The following FNBP1 variants were observed in gnomAD, a reference collection of about 807,000 sequenced individuals.
FNBP1 encodes the protein formin binding protein 1.
Under a neutral mutation model 90.6 loss-of-function variants are expected in FNBP1, and 26 were observed. The ratio of observed to expected loss-of-function variants is 0.29; its 90% CI spans 0.21 to 0.40. The LOEUF is 0.40. FNBP1 is among the 10% of genes least tolerant of loss of function. The pLI is 1.00. For missense variants in FNBP1, 635 were observed against 768.0 expected, an observed-to-expected ratio of 0.83 and a Z score of 2.05; for synonymous variants, 260 against 265.2, an observed-to-expected ratio of 0.98 and a Z score of 0.19.
chr9:129,889,553 G>A lies in FNBP1; in HGVS notation c.*986C>T, dbSNP rs564795566. On this transcript the variant is annotated 3_prime_UTR_variant, in exon 17 of 17. Transcript: ENST00000446176. ...CCACTGCACTCCAGTCTGAACAATAGAGCGAGACTCCCGTCTCAAAAAAAA... is the reference window on the plus strand; with the variant it reads ...CCACTGCACTCCAGTCTGAACAATAAAGCGAGACTCCCGTCTCAAAAAAAA... 3 of 196,564 alleles carry A rather than the reference G, an allele frequency of 1.5e-5. No homozygotes were observed. Among genetic ancestry groups the A allele is most frequent in the South Asian group, 2.0e-4 (1 of 5,124 alleles). 12.2% of individuals were successfully genotyped at this position (196,564 alleles called of 1,614,324 possible). A position where few individuals can be genotyped will look rare whatever the true frequency, so the allele number is the denominator to read the frequency against.
At chr9:129,927,149 T>G in intron 8 of FNBP1, 46 bp downstream of exon 8, 1 of 1,595,800 alleles carries the variant, frequency 6.3e-7, no homozygotes, top group Middle Eastern at 1.7e-4. Context: ...GGAGAAATAA[T>G]GGATCTGCAA....
intron 1 of FNBP1, among the ~76,000 whole-genome samples, chr9:130,000,153 T>A (rs148149200): frequency 3.1e-4 from 47 of 152,302 alleles, no homozygotes; most frequent in African/African-American, 1.1e-3. Context: ...GAATGGATCT[T>A]TTACCTGTAT....
chr9:129,899,904 G>A (rs528145294), intron 15 of FNBP1, 61 bp downstream of exon 15: 7 of 1,377,738 alleles, frequency 5.1e-6, no homozygotes, highest in Non-Finnish European at 6.8e-6. Context: ...AGTGAAAGAA[G>A]AGTAACTCAG....
chr9:130,002,557 T>C (rs554854721), intron 1 of FNBP1, among the ~76,000 whole-genome samples: 7 of 152,328 alleles, frequency 4.6e-5, no homozygotes, highest in African/African-American at 1.7e-4. Context: ...ACCTCTGCCA[T>C]GCAGGCTCCT....
chr9:129,907,671 C>T (rs2038395131), intron 12 of FNBP1, among the ~76,000 whole-genome samples: 1 of 151,790 alleles, frequency 6.6e-6, no homozygotes, highest in Non-Finnish European at 1.5e-5. Flanking sequence ...AATGCACCTT[C>T]CCCTCACAGA....
At chr9:129,902,669 G>T (rs1375410442) in intron 13 of FNBP1, among the ~76,000 whole-genome samples, 200 bp downstream of exon 13, 1 of 152,122 alleles carries the variant, frequency 6.6e-6, no homozygotes, top group South Asian at 2.1e-4. Flanking sequence ...TTACAGCCAC[G>T]ATTAAGATAG....
At chr9:129,958,639 C>G in intron 4 of FNBP1, 86 bp from the exon 5 acceptor site, 1 of 1,058,536 alleles carries the variant, frequency 9.4e-7, no homozygotes, top group Non-Finnish European at 1.4e-6. Context: ...ACTTAAACAA[C>G]ATCTAAATAT....
chr9:130,018,989 C>CCGA (rs1426398422), intron 1 of FNBP1, among the ~76,000 whole-genome samples: 1 of 152,042 alleles, frequency 6.6e-6, no homozygotes, highest in Non-Finnish European at 1.5e-5. Context: ...CTTTGGGAAG[C>CCGA]CGAGGCAAGT....
intron 13 of FNBP1, among the ~76,000 whole-genome samples, chr9:129,901,919 AGAAT>A (rs2037026823): frequency 6.6e-6 from 1 of 152,226 alleles, no homozygotes. Flanking sequence ...CTCAAAAAAA[AGAAT>A]GAAAAAAGCC....
In FNBP1 at chr9:129,910,365, C is replaced by T. The variant is rs544634029; in HGVS notation, c.1186-1366G>A. 6.0e-4 allele frequency among the ~76,000 whole-genome samples: 91 copies of T among 151,812 alleles called. No individual in the cohort carries two copies. In the South Asian group the frequency reaches 0.018, roughly 30 times the overall value. On this transcript the variant is annotated intron_variant, in intron 11 of 16. Transcript: ENST00000446176. ...GGCGTGGTGGCGAGCGCCTATAATC[C>T]CAGCTACTTGGGAGGCTGAGGCAGG...
intron 1 of FNBP1, among the ~76,000 whole-genome samples, chr9:130,012,055 G>C (rs2056679752): frequency 6.6e-6 from 1 of 152,160 alleles, no homozygotes; most frequent in African/African-American, 2.4e-5. Flanking sequence ...CAAAGACATA[G>C]ACAAATACAA....
intron 10 of FNBP1, among the ~76,000 whole-genome samples, chr9:129,918,048 G>A (rs528311609): frequency 5.9e-4 from 90 of 151,996 alleles, no homozygotes; most frequent in Middle Eastern, 3.2e-3. Flanking sequence ...CTCTCTACTC[G>A]GCTACTTTCT....
upstream of FNBP1, among the ~76,000 whole-genome samples, chr9:130,046,085 T>C (rs1288526541): frequency 6.6e-6 from 1 of 152,178 alleles, no homozygotes; most frequent in Non-Finnish European, 1.5e-5. Flanking sequence ...TTACAAAATA[T>C]ATATTTTGTC....
intron 1 of FNBP1, among the ~76,000 whole-genome samples, chr9:130,004,697 T>C (rs1186855658): frequency 6.6e-6 from 1 of 152,184 alleles, no homozygotes; most frequent in African/African-American, 2.4e-5. Context: ...AAAATATCCA[T>C]TTAAAATGTT....
intron 2 of FNBP1, among the ~76,000 whole-genome samples, chr9:129,980,316 C>T (rs1204030887): frequency 1.3e-5 from 2 of 149,454 alleles, no homozygotes; most frequent in South Asian, 2.1e-4. Context: ...GCCGAGATCG[C>T]ACCATTGCAC....
chr9:130,019,146 G>C (rs1270318526), intron 1 of FNBP1, among the ~76,000 whole-genome samples: 4 of 152,018 alleles, frequency 2.6e-5, no homozygotes, highest in African/African-American at 7.2e-5. Flanking sequence ...AGGATCGCTT[G>C]AGTCTGGGAG....
intron 2 of FNBP1, among the ~76,000 whole-genome samples, chr9:129,984,666 C>T (rs1045618188): frequency 2.6e-5 from 4 of 152,056 alleles, no homozygotes; most frequent in Admixed American, 1.3e-4. Context: ...CAAATCTCAA[C>T]TTGAATTGTA....
At chr9:129,935,121 ATTTT>A (rs11410932) in intron 6 of FNBP1, among the ~76,000 whole-genome samples, 2 of 127,072 alleles carry the variant, frequency 1.6e-5, no homozygotes, top group Non-Finnish European at 1.6e-5. Context: ...TGTTTAGCTC[ATTTT>A]TTTTTTTTTT....
chr9:129,929,412 A>G, intron 7 of FNBP1, among the ~76,000 whole-genome samples, 155 bp downstream of exon 7: 1 of 132,680 alleles, frequency 7.5e-6, no homozygotes, highest in Non-Finnish European at 1.6e-5. Flanking sequence ...TCTGTCTCAA[A>G]AAAAAAAAAA....
Sources: gnomAD v4.1 joint callset for allele counts (sites outside exome capture counted in the v4.1 genomes callset) on GRCh38, gnomAD v4.1.1 for gene constraint, MANE v1.5 for transcripts, NCBI Gene and HGNC (gene_info 2026-07-23, HGNC 2026-07-21) for gene names.